PCCB: variants seen among roughly 807,000 people sequenced by gnomAD.
PCCB encodes the protein propionyl-CoA carboxylase subunit beta.
PCCB carries 43 observed loss-of-function variants against 60.7 expected under a neutral mutation model. The observed-to-expected ratio is 0.71, with a 90% CI of 0.55 to 0.91. PCCB has a LOEUF of 0.91. Among genes scored for constraint, PCCB ranks in the 40% least tolerant of loss-of-function variants. The pLI is 0.00. For missense variants in PCCB, 766 were observed against 702.8 expected, an observed-to-expected ratio of 1.09 and a Z score of -1.02; for synonymous variants, 276 against 255.9, an observed-to-expected ratio of 1.08 and a Z score of -0.75.
In PCCB at chr3:136,328,841, C is replaced by A. The variant is rs1179000221; in HGVS notation, c.1482C>A (p.Phe494Leu). The A allele has an allele frequency of 6.2e-7, 1 of 1,613,814 alleles. No homozygotes were observed. The highest frequency in any genetic ancestry group is 1.7e-5 in the Admixed American group (1 of 60,034). ...AEYIEKFANP[F>L]PAAVRGFVDD... Reference sequence around the variant, plus strand: ...ACATCGAGAAGTTTGCCAACCCTTTCCCTGCAGCAGTGCGAGGTAGGGGAC... The same window carrying A: ...ACATCGAGAAGTTTGCCAACCCTTTACCTGCAGCAGTGCGAGGTAGGGGAC... Residue 494 changes from phenylalanine (F) to leucine (L), a missense_variant, in exon 14 of 15, where the codon TTC becomes TTA. Coordinates refer to ENST00000251654, the MANE Select transcript of PCCB (RefSeq NM_000532.5).
At chr3:136,252,183 T>C (rs377567026) in intron 1 of PCCB, 31 of 432,290 alleles carry the variant, frequency 7.2e-5, no homozygotes, top group East Asian at 5.0e-4. Flanking sequence ...CACCCGGCCC[T>C]GCACCCCTTT....
chr3:136,274,401 A>G (rs556758868), intron 5 of PCCB, among the ~76,000 whole-genome samples: 2 of 152,106 alleles, frequency 1.3e-5, no homozygotes, highest in South Asian at 2.1e-4. Context: ...GCTGGATGCA[A>G]AATTCTTGGG....
rs777094774 is a variant in PCCB at position 136,306,615 on chromosome 3, C to T, written c.966+5504C>T. Among the ~76,000 whole-genome samples the T allele has an allele frequency of 1.1e-4, 13 of 122,254 alleles. 3 individuals carry two copies. Among genetic ancestry groups the T allele is most frequent in the East Asian group, 1.2e-3 (2 of 1,712 alleles). 80.2% of individuals were successfully genotyped at this position (122,254 alleles called of 152,430 possible). On this transcript the variant is annotated intron_variant, in intron 9 of 14. Coordinates refer to ENST00000251654, the MANE Select transcript of PCCB (RefSeq NM_000532.5). ...CTGTATACATATATGAAAACATGTA[C>T]GTTGTACATATATGCAATTATAAAA...
At chr3:136,278,335 C>G (rs1942385705) in intron 5 of PCCB, among the ~76,000 whole-genome samples, 1 of 152,158 alleles carries the variant, frequency 6.6e-6, no homozygotes, top group Non-Finnish European at 1.5e-5. Context: ...CAGACTGCCA[C>G]TTCTTTAAAA....
rs771726762 is a variant in PCCB at position 136,326,801 on chromosome 3, A to G, written c.1091-2A>G. ...CAGTATGGATAATCTCTCTCTTTCT[A>G]GGATGCTTGGATATTAATTCATCTG... On this transcript the variant is annotated splice_acceptor_variant, in intron 10 of 14. Transcript: ENST00000251654. LOFTEE classifies it high-confidence loss of function. 1.3e-6 allele frequency: 2 copies of G among 1,578,534 alleles called. No individual in the cohort carries two copies. Among genetic ancestry groups the G allele is most frequent in the Non-Finnish European group, 1.7e-6 (2 of 1,147,634 alleles).
chr3:136,254,743 A>G (rs929573328), intron 1 of PCCB, among the ~76,000 whole-genome samples: 8 of 148,886 alleles, frequency 5.4e-5, no homozygotes, highest in Non-Finnish European at 1.2e-4. Flanking sequence ...CATGTTGTCC[A>G]GCTGGTCTCA....
chr3:136,283,994 T>G, intron 6 of PCCB, 47 bp downstream of exon 6: 1 of 1,133,236 alleles, frequency 8.8e-7, no homozygotes, highest in Non-Finnish European at 1.3e-6. Flanking sequence ...ATTTGTGCAG[T>G]TCCTTACCTG....
intron 10 of PCCB, among the ~76,000 whole-genome samples, chr3:136,323,852 C>G (rs1245700602): frequency 2.0e-5 from 3 of 147,560 alleles, no homozygotes; most frequent in Admixed American, 1.4e-4. Context: ...TAGTCTTTTT[C>G]TAGTAAGTTC....
chr3:136,262,869 CGTG>C (rs1251443090), intron 5 of PCCB, among the ~76,000 whole-genome samples: 2 of 151,748 alleles, frequency 1.3e-5, no homozygotes, highest in African/African-American at 2.4e-5. Context: ...CCCTCAGAGA[CGTG>C]GTGATAAACC....
chr3:136,256,437 C>T (rs1430998480), intron 2 of PCCB, 118 bp from the exon 3 acceptor site: 9 of 748,284 alleles, frequency 1.2e-5, no homozygotes, highest in Non-Finnish European at 2.2e-5. Flanking sequence ...GTTCCTTGTT[C>T]ATATTGACGT....
chr3:136,288,858 A>G (rs909314555), intron 6 of PCCB, among the ~76,000 whole-genome samples: 1 of 152,036 alleles, frequency 6.6e-6, no homozygotes, highest in Admixed American at 6.6e-5. Flanking sequence ...GCTGAAGAGC[A>G]GTGGTGCGAT....
intron 5 of PCCB, among the ~76,000 whole-genome samples, chr3:136,273,916 A>C (rs1942274127): frequency 6.9e-6 from 1 of 144,402 alleles, no homozygotes; most frequent in Non-Finnish European, 1.5e-5. Flanking sequence ...TGTCTCAAAA[A>C]AAAAAAAAAA....
chr3:136,316,565 C>T (rs181275909), intron 9 of PCCB, among the ~76,000 whole-genome samples: 23 of 152,304 alleles, frequency 1.5e-4, no homozygotes, highest in Admixed American at 1.1e-3. Flanking sequence ...ATCCACCTGC[C>T]TCGACCTCCC....
At chr3:136,287,345 ATGT>A (rs1453948161) in intron 6 of PCCB, among the ~76,000 whole-genome samples, 1 of 151,482 alleles carries the variant, frequency 6.6e-6, no homozygotes, top group Admixed American at 6.6e-5. Context: ...AGATTTATCT[ATGT>A]TGTTCTTTGA....
rs1553775750 is a variant in PCCB at position 136,268,096 on chromosome 3, A to ATATATATATATATGTG, written c.543+6044_543+6045insGTGTATATATATATAT. Among the ~76,000 whole-genome samples the ATATATATATATATGTG allele has an allele frequency of 2.8e-4, 30 of 106,506 alleles. 1 individual carries two copies. The highest frequency in any genetic ancestry group is 5.0e-4 in the Admixed American group (5 of 10,078). The allele number at this position is 106,506 out of a possible 152,430, so 69.9% of individuals were successfully genotyped here. A position where few individuals can be genotyped will look rare whatever the true frequency, so the allele number is the denominator to read the frequency against. On this transcript the variant is annotated intron_variant, in intron 5 of 14. Coordinates refer to ENST00000251654, the MANE Select transcript of PCCB (RefSeq NM_000532.5). ...TGTGTGTGTGTGTGTAGATATATAT[A>ATATATATATATATGTG]TATATATATATATATATATATATAT...
At chr3:136,319,590 G>T (rs945464542) in intron 10 of PCCB, among the ~76,000 whole-genome samples, 1 of 152,122 alleles carries the variant, frequency 6.6e-6, no homozygotes, top group Non-Finnish European at 1.5e-5. Flanking sequence ...TAGAGACGGG[G>T]TTTCGCCATG....
chr3:136,279,678 TA>T (rs1318615311), intron 5 of PCCB, among the ~76,000 whole-genome samples: 5 of 152,008 alleles, frequency 3.3e-5, no homozygotes, highest in African/African-American at 4.8e-5. Context: ...TTTATTTATT[TA>T]TTTTTTGAGA....
chr3:136,269,382 A>G (rs1459438512), intron 5 of PCCB, among the ~76,000 whole-genome samples: 1 of 152,186 alleles, frequency 6.6e-6, no homozygotes, highest in Non-Finnish European at 1.5e-5. Context: ...TTGATCTTGT[A>G]TACTGCTTTG....
At chr3:136,269,953 A>G (rs1394955661) in intron 5 of PCCB, among the ~76,000 whole-genome samples, 1 of 149,148 alleles carries the variant, frequency 6.7e-6, no homozygotes, top group Non-Finnish European at 1.5e-5. Context: ...AGGAGAAAGC[A>G]TTCATTCTTC....
Sources: gnomAD v4.1 joint callset for allele counts (sites outside exome capture counted in the v4.1 genomes callset) on GRCh38, gnomAD v4.1.1 for gene constraint, MANE v1.5 for transcripts, NCBI Gene and HGNC (gene_info 2026-07-23, HGNC 2026-07-21) for gene names.